LAMA4: variants seen among roughly 807,000 people sequenced by gnomAD.
LAMA4 encodes laminin subunit alpha-4.
Under a neutral mutation model 207.1 loss-of-function variants are expected in LAMA4, and 127 were observed. The ratio of observed to expected loss-of-function variants is 0.61; its 90% CI spans 0.53 to 0.71. The LOEUF is 0.71. Among genes scored for constraint, LAMA4 ranks in the 30% least tolerant of loss-of-function variants. The probability of loss-of-function intolerance (pLI) is 0.00; values close to 1 mark genes in which losing one functional copy is unlikely to be tolerated. For synonymous variants in LAMA4, 761 were observed against 816.0 expected (o/e 0.93, Z 1.15); for missense variants, 2,093 against 2,246.5 (o/e 0.93, Z 1.38).
chr6:112,241,566 G>A (rs1272435805), intron 2 of LAMA4, among the ~76,000 whole-genome samples: 5 of 152,034 alleles, frequency 3.3e-5, no homozygotes, highest in African/African-American at 1.2e-4. Flanking sequence ...CTGCTATCTG[G>A]CTCATTTTTG....
At chr6:112,208,009 T>C (rs1784161594) in intron 3 of LAMA4, among the ~76,000 whole-genome samples, 1 of 152,202 alleles carries the variant, frequency 6.6e-6, no homozygotes, top group African/African-American at 2.4e-5. Flanking sequence ...GTCAAACTGA[T>C]GGATTAATTT....
chr6:112,134,893 C>CT (rs1413567079), intron 25 of LAMA4, among the ~76,000 whole-genome samples: 4 of 150,868 alleles, frequency 2.7e-5, no homozygotes, highest in Admixed American at 1.3e-4. Flanking sequence ...CCTGCTCCTT[C>CT]TGAGAGGATT....
rs539977714 is a variant in LAMA4, at chr6:112,201,606, A to G, written c.503+2T>C. The G allele has an allele frequency of 1.2e-6, 2 of 1,612,342 alleles. No individual in the cohort carries two copies. The highest frequency in any genetic ancestry group is 2.2e-5 in the South Asian group (2 of 91,072). Reference sequence around the variant, plus strand: ...AGAAAATAGAGAATTTTATTGGCTTACCTTTCACAGTTAGGTCCAGCATAA... The same window carrying G: ...AGAAAATAGAGAATTTTATTGGCTTGCCTTTCACAGTTAGGTCCAGCATAA... On this transcript the variant is annotated splice_donor_variant, in intron 5 of 38. Transcript: ENST00000230538. LOFTEE classifies it high-confidence loss of function.
intron 2 of LAMA4, among the ~76,000 whole-genome samples, chr6:112,250,430 G>T (rs1787357069): frequency 1.3e-5 from 2 of 152,176 alleles, no homozygotes; most frequent in African/African-American, 4.8e-5. Context: ...TAGCAAGTCA[G>T]TTTTTCCAGT....
At chr6:112,111,414 G>T (rs782435690) in intron 38 of LAMA4, among the ~76,000 whole-genome samples, 21 of 152,284 alleles carry the variant, frequency 1.4e-4, no homozygotes, top group Non-Finnish European at 2.5e-4. Flanking sequence ...TTTTTGGTGT[G>T]TAGTTCTAGG....
At chr6:112,125,323 A>G (rs1437363408) in intron 31 of LAMA4, among the ~76,000 whole-genome samples, 2 of 152,140 alleles carry the variant, frequency 1.3e-5, no homozygotes, top group Non-Finnish European at 2.9e-5. Context: ...TCTAGGTTTT[A>G]AGTTTCCAAG....
At chr6:112,177,777 A>T (rs1782111186) in intron 10 of LAMA4, among the ~76,000 whole-genome samples, 1 of 152,254 alleles carries the variant, frequency 6.6e-6, no homozygotes, top group African/African-American at 2.4e-5. Context: ...TTTTCTCTGC[A>T]AATAACTGAG....
At chr6:112,181,370 C>G (rs896511543) in intron 9 of LAMA4, among the ~76,000 whole-genome samples, 2 of 152,164 alleles carry the variant, frequency 1.3e-5, no homozygotes, top group Non-Finnish European at 2.9e-5. Flanking sequence ...AGGCTGAAGT[C>G]CCCATGTTCA....
chr6:112,135,839 A>G (rs1562646633), intron 25 of LAMA4: 5 of 378,238 alleles, frequency 1.3e-5, no homozygotes, highest in East Asian at 6.6e-5. Context: ...AGGAATACCA[A>G]TTGAGATATT....
chr6:112,130,819 T>C, intron 29 of LAMA4, 149 bp downstream of exon 29: 1 of 760,834 alleles, frequency 1.3e-6, no homozygotes, highest in Non-Finnish European at 2.2e-6. Flanking sequence ...AATAGCAATA[T>C]TTTTTTGAGG....
At chr6:112,195,464 C>T (rs1420976319) in intron 5 of LAMA4, among the ~76,000 whole-genome samples, 8 of 152,120 alleles carry the variant, frequency 5.3e-5, no homozygotes, top group African/African-American at 1.9e-4. Flanking sequence ...GACTAAATCC[C>T]CGCATCACAG....
intron 12 of LAMA4, among the ~76,000 whole-genome samples, chr6:112,166,717 A>G (rs1482265690): frequency 6.6e-6 from 1 of 152,264 alleles, no homozygotes; most frequent in African/African-American, 2.4e-5. Flanking sequence ...ATTAGACAGA[A>G]ATGAATAAAA....
At chr6:112,126,612 A>G (rs1260962012) in intron 31 of LAMA4, among the ~76,000 whole-genome samples, 3 of 152,232 alleles carry the variant, frequency 2.0e-5, no homozygotes, top group African/African-American at 7.2e-5. Flanking sequence ...CATATGCTCA[A>G]ATATATGGAA....
At chr6:112,162,403 C>A (rs1781108593) in intron 13 of LAMA4, among the ~76,000 whole-genome samples, 1 of 151,882 alleles carries the variant, frequency 6.6e-6, no homozygotes, top group African/African-American at 2.4e-5. Flanking sequence ...ACCCAGGAGG[C>A]AGAGGTTGCA....
Position 112,114,749 on chromosome 6 carries a change from AC to A in LAMA4, c.5119del (p.Val1707Ter). 11 of 1,606,202 alleles carry A rather than the reference AC, an allele frequency of 6.8e-6. No homozygotes were observed. The highest frequency in any genetic ancestry group is 9.4e-6 in the Non-Finnish European group (11 of 1,172,958). On this transcript the variant is annotated frameshift_variant, in exon 37 of 39. Transcript: ENST00000230538. LOFTEE classifies it high-confidence loss of function. ...ATCTCTGATGCCATTATTGACTTTCACTATGACCTGCAAAAGATAGGACACA... is the reference window on the plus strand; with the variant it reads ...ATCTCTGATGCCATTATTGACTTTCATATGACCTGCAAAAGATAGGACACA... ...NVHMKNGQVI[V>X]KVNNGIRDFS...
intron 31 of LAMA4, among the ~76,000 whole-genome samples, chr6:112,125,543 CTT>C (rs1426280241): frequency 1.3e-5 from 2 of 152,198 alleles, no homozygotes; most frequent in Non-Finnish European, 2.9e-5. Flanking sequence ...AAATGAGAAA[CTT>C]TTCCCAGTTA....
chr6:112,187,244 C>T, intron 8 of LAMA4: 1 of 687,836 alleles, frequency 1.5e-6, no homozygotes, highest in Non-Finnish European at 2.6e-6. Context: ...GACAGTAGTT[C>T]TTGTTTTGGC....
intron 2 of LAMA4, among the ~76,000 whole-genome samples, chr6:112,252,269 T>C (rs1315432281): frequency 6.6e-6 from 1 of 152,204 alleles, no homozygotes; most frequent in East Asian, 1.9e-4. Flanking sequence ...AAATTTCAAC[T>C]TGGGACCATC....
chr6:112,146,187 G>A (rs756947762), intron 18 of LAMA4, among the ~76,000 whole-genome samples: 1 of 152,144 alleles, frequency 6.6e-6, no homozygotes, highest in African/African-American at 2.4e-5. Context: ...CTACTCGGGA[G>A]GCTGAGGCGG....
Sources: allele counts gnomAD v4.1 joint callset (sites outside exome capture counted in the v4.1 genomes callset), GRCh38; gene constraint gnomAD v4.1.1; transcripts MANE v1.5; gene names NCBI Gene and HGNC (gene_info 2026-07-23, HGNC 2026-07-21).